Variants in MAPRE2 observed in about 807,000 individuals in gnomAD.
MAPRE2 encodes the protein microtubule associated protein RP/EB family member 2, also known as microtubule-associated protein RP/EB family member 2.
In MAPRE2, 13 loss-of-function variants were observed where a neutral mutation model predicts 43.2. The observed-to-expected ratio is 0.30, with a 90% confidence interval of 0.20 to 0.48. The LOEUF is 0.48. MAPRE2 is among the 20% of genes least tolerant of loss of function. MAPRE2 has a pLI of 0.99. For synonymous variants in MAPRE2, 135 were observed against 148.8 expected, an observed-to-expected ratio of 0.91 and a Z score of 0.68; for missense variants, 161 against 400.2, an observed-to-expected ratio of 0.40 and a Z score of 5.10.
intron 1 of MAPRE2, among the ~76,000 whole-genome samples, chr18:34,995,902 C>T (rs187720051): frequency 2.6e-5 from 4 of 152,204 alleles, no homozygotes; most frequent in Admixed American, 2.6e-4. Flanking sequence ...TTTAGACCAG[C>T]AGCATCACCT....
chr18:35,087,610 G>C (rs1907936650), intron 2 of MAPRE2, among the ~76,000 whole-genome samples: 1 of 152,134 alleles, frequency 6.6e-6, no homozygotes, highest in African/African-American at 2.4e-5. Flanking sequence ...ACCAGCCCTT[G>C]TTGTGGTTCA....
intron 2 of MAPRE2, among the ~76,000 whole-genome samples, chr18:35,031,799 A>G (rs2097047973): frequency 6.6e-6 from 1 of 152,238 alleles, no homozygotes; most frequent in Non-Finnish European, 1.5e-5. Flanking sequence ...TCAAAAGTCA[A>G]TTCTAGAGGA....
chr18:34,978,536 C>A, intron 1 of MAPRE2: 1 of 1,551,608 alleles, frequency 6.4e-7, no homozygotes, highest in South Asian at 1.2e-5. Flanking sequence ...GAACAGAGAT[C>A]AAAAGGTAAT....
intron 1 of MAPRE2, among the ~76,000 whole-genome samples, chr18:34,995,917 G>A (rs1386899367): frequency 1.3e-5 from 2 of 152,102 alleles, no homozygotes; most frequent in Non-Finnish European, 2.9e-5. Context: ...TCACCTAGAA[G>A]ATTTTAGAAA....
At chr18:35,140,240 G>T in intron 6 of MAPRE2, 55 bp from the exon 7 acceptor site, 2 of 1,506,476 alleles carry the variant, frequency 1.3e-6, no homozygotes, top group Non-Finnish European at 1.8e-6. Context: ...CTGGGATGCT[G>T]CAGGGCCCCA....
At chr18:35,033,456 C>T (rs1249215697) in intron 2 of MAPRE2, among the ~76,000 whole-genome samples, 1 of 149,578 alleles carries the variant, frequency 6.7e-6, no homozygotes, top group East Asian at 2.0e-4. Flanking sequence ...TGGCACAAGA[C>T]AGGGATGCCC....
rs1156484146 is a variant in MAPRE2 at position 35,143,066 on chromosome 18, A to G, written c.*2697A>G. The G allele has an allele frequency of 8.2e-6, 1 of 121,522 alleles. No individual in the cohort carries two copies. Among genetic ancestry groups the G allele is most frequent in the Non-Finnish European group, 1.8e-5 (1 of 56,612 alleles). 7.5% of individuals were successfully genotyped at this position (121,522 alleles called of 1,614,324 possible). A position where few individuals can be genotyped will look rare whatever the true frequency, so the allele number is the denominator to read the frequency against. The stretch of plus-strand genomic sequence containing the variant: ...AGCCCATATTTGTTCTAAGCAGAAA[A>G]GCAGGAAAAAAAAAAAAAAAAAAGA... On this transcript the variant is annotated 3_prime_UTR_variant, in exon 7 of 7. Coordinates refer to ENST00000300249, the MANE Select transcript of MAPRE2 (RefSeq NM_014268.4).
intron 5 of MAPRE2, among the ~76,000 whole-genome samples, chr18:35,131,031 T>C (rs557267271): frequency 8.5e-5 from 13 of 152,308 alleles, no homozygotes; most frequent in African/African-American, 3.1e-4. Flanking sequence ...AGGCCTTCCT[T>C]GCCCTCCTGC....
chr18:35,125,687 G>C (rs1262309482), intron 4 of MAPRE2, among the ~76,000 whole-genome samples: 1 of 152,246 alleles, frequency 6.6e-6, no homozygotes, highest in Non-Finnish European at 1.5e-5. Context: ...CATAATCCAT[G>C]AAGTACACTG....
chr18:35,118,813 C>T (rs1909536123), intron 4 of MAPRE2, among the ~76,000 whole-genome samples: 2 of 152,212 alleles, frequency 1.3e-5, no homozygotes, highest in African/African-American at 4.8e-5. Context: ...GCCTCACCCA[C>T]CTGACCTGGC....
At chr18:35,025,719 G>T (rs1273137584) in intron 2 of MAPRE2, among the ~76,000 whole-genome samples, 1 of 152,186 alleles carries the variant, frequency 6.6e-6, no homozygotes, top group Non-Finnish European at 1.5e-5. Context: ...TAGCTTAGAA[G>T]TCTAGCAGTT....
intron 1 of MAPRE2, among the ~76,000 whole-genome samples, chr18:35,058,557 T>C (rs1475574040): frequency 1.3e-5 from 2 of 152,186 alleles, no homozygotes; most frequent in East Asian, 3.9e-4. Context: ...ATTGAGAGGC[T>C]TGAACCTCAA....
At chr18:35,097,347 G>C in intron 2 of MAPRE2, 99 bp from the exon 3 acceptor site, 1 of 1,038,336 alleles carries the variant, frequency 9.6e-7, no homozygotes, top group Non-Finnish European at 1.4e-6. Context: ...TCTGAGTGAT[G>C]ATGGTGCCTG....
intron 4 of MAPRE2, among the ~76,000 whole-genome samples, chr18:35,125,517 C>G (rs1286456300): frequency 6.6e-6 from 1 of 152,210 alleles, no homozygotes; most frequent in African/African-American, 2.4e-5. Context: ...GTTTCTTGCT[C>G]TAAATAAGAG....
upstream of MAPRE2, among the ~76,000 whole-genome samples, chr18:35,036,533 G>A (rs947652938): frequency 3.3e-5 from 5 of 152,028 alleles, no homozygotes; most frequent in Non-Finnish European, 7.4e-5. Flanking sequence ...TGTGTTTGCC[G>A]TCCATACTAA....
chr18:35,112,671 C>G (rs572592913), intron 4 of MAPRE2, among the ~76,000 whole-genome samples: 1 of 152,164 alleles, frequency 6.6e-6, no homozygotes, highest in Non-Finnish European at 1.5e-5. Context: ...CCCCTACTCC[C>G]TGGAAGAAGA....
chr18:35,029,666 T>G (rs1486635204), intron 2 of MAPRE2, among the ~76,000 whole-genome samples: 3 of 152,250 alleles, frequency 2.0e-5, no homozygotes, highest in African/African-American at 7.2e-5. Flanking sequence ...GCAAGATAAT[T>G]TATTTGTTAG....
Position 35,070,225 on chromosome 18 carries a change from C to T in MAPRE2, c.153C>T (p.Thr51=), listed in dbSNP as rs1787302545. ...GAATGGCGGTCAATGTGTATTCTAC[C>T]TCGATAACCCAAGAGACTATGAGCA... ...SWGMAVNVYS[T]SITQETMSRH... The change falls in exon 2 of 7, where the codon ACC becomes ACT. Residue 51 remains threonine, a synonymous_variant. Transcript: ENST00000300249. 3.7e-6 allele frequency: 6 copies of T among 1,607,056 alleles called. No homozygotes were observed. The highest frequency in any genetic ancestry group is 3.4e-5 in the South Asian group (3 of 89,360).
chr18:35,114,679 C>T (rs1012250123), intron 4 of MAPRE2, among the ~76,000 whole-genome samples: 4 of 152,182 alleles, frequency 2.6e-5, no homozygotes, highest in African/African-American at 9.7e-5. Context: ...GAGTCTGTTC[C>T]TTCACACAGA....
Sources: gnomAD v4.1 joint callset for allele counts (sites outside exome capture counted in the v4.1 genomes callset) on GRCh38, gnomAD v4.1.1 for gene constraint, MANE v1.5 for transcripts, NCBI Gene and HGNC (gene_info 2026-07-23, HGNC 2026-07-21) for gene names.